Variants in MTMR9 observed in about 807,000 individuals in gnomAD.
MTMR9 encodes the protein myotubularin-related protein 9.
MTMR9 carries 39 observed loss-of-function variants against 69.5 expected under a neutral mutation model. The ratio of observed to expected loss-of-function variants is 0.56; its 90% CI spans 0.43 to 0.73. The LOEUF is 0.73. MTMR9 is among the 30% of genes least tolerant of loss of function. The pLI is 0.00. For missense variants in MTMR9, 900 were observed against 671.2 expected (o/e 1.34, Z -3.77); for synonymous variants, 354 against 240.8 (o/e 1.47, Z -4.35).
chr8:11,306,236 G>T lies in MTMR9; in HGVS notation c.638G>T (p.Arg213Met). 1 of 1,613,688 alleles carries T rather than the reference G, an allele frequency of 6.2e-7. No homozygotes were observed. Among genetic ancestry groups the T allele is most frequent in the Non-Finnish European group, 8.5e-7 (1 of 1,179,934 alleles). The stretch of plus-strand genomic sequence containing the variant: ...CCACTCACTGGTACAAACGGGAGGA[G>T]GTGCAAGGAGGACGAGAAGCTGATA... The part of the protein sequence containing the change: ...GQPLTGTNGR[R>M]CKEDEKLINA... The change falls in exon 5 of 10, where the codon AGG becomes ATG. Residue 213 changes from arginine (R) to methionine (M), a missense_variant. Coordinates refer to ENST00000221086, the MANE Select transcript of MTMR9 (RefSeq NM_015458.4).
At chr8:11,313,278 C>T (rs1800278351) in intron 6 of MTMR9, among the ~76,000 whole-genome samples, 1 of 152,216 alleles carries the variant, frequency 6.6e-6, no homozygotes, top group Non-Finnish European at 1.5e-5. Flanking sequence ...AGAGTAAAGG[C>T]CTTCCTCTGG....
chr8:11,335,665 C>G, the MTMR9 span, among the ~76,000 whole-genome samples: 6 of 152,184 alleles, frequency 3.9e-5, no homozygotes, highest in East Asian at 1.2e-3. Flanking sequence ...TATAAAGCCA[C>G]GTTAATCAAG....
downstream of MTMR9, among the ~76,000 whole-genome samples, chr8:11,329,439 G>C (rs1334836610): frequency 3.9e-5 from 6 of 152,194 alleles, no homozygotes; most frequent in South Asian, 2.1e-4. Flanking sequence ...TCAGCCTGCC[G>C]AGTGCCTGCC....
chr8:11,285,309 C>G, intron 1 of MTMR9: 2 of 424,536 alleles, frequency 4.7e-6, no homozygotes, highest in Admixed American at 8.8e-5. Flanking sequence ...TCCTGATGAT[C>G]ATTTCTGGTT....
downstream of MTMR9, among the ~76,000 whole-genome samples, chr8:11,328,849 T>A (rs1244121787): frequency 2.0e-5 from 3 of 152,246 alleles, no homozygotes; most frequent in African/African-American, 7.2e-5. Flanking sequence ...CCTTCTGATA[T>A]GATCCATCCA....
chr8:11,297,414 T>A (rs1056120875), intron 2 of MTMR9, among the ~76,000 whole-genome samples: 9 of 152,246 alleles, frequency 5.9e-5, no homozygotes, highest in Non-Finnish European at 1.5e-5. Context: ...TTAAATTGAA[T>A]GAGAATGCAT....
chr8:11,285,861 A>G (rs1327117813), intron 1 of MTMR9, among the ~76,000 whole-genome samples: 2 of 151,396 alleles, frequency 1.3e-5, no homozygotes, highest in Non-Finnish European at 2.9e-5. Flanking sequence ...TGACGACAAC[A>G]TTTTCTATTG....
At chr8:11,298,681 T>A in intron 2 of MTMR9, 1 of 827,156 alleles carries the variant, frequency 1.2e-6, no homozygotes, top group Non-Finnish European at 1.5e-6. Flanking sequence ...TCCTGCAGTT[T>A]GAATTATGCT....
chr8:11,285,825 C>T (rs1409167093), intron 1 of MTMR9, among the ~76,000 whole-genome samples: 1 of 152,114 alleles, frequency 6.6e-6, no homozygotes, highest in Non-Finnish European at 1.5e-5. Flanking sequence ...AACTGATTAT[C>T]CGTTTTACAC....
the MTMR9 span, among the ~76,000 whole-genome samples, chr8:11,339,067 G>A: frequency 3.9e-5 from 6 of 152,166 alleles, no homozygotes; most frequent in Non-Finnish European, 8.8e-5. Flanking sequence ...ATGTCACAGT[G>A]GCAGAGATTA....
intron 9 of MTMR9, chr8:11,320,182 C>A (rs1191706283): frequency 1.5e-5 from 3 of 202,668 alleles, no homozygotes; most frequent in Non-Finnish European, 3.0e-5. Context: ...GAGTTTCTGT[C>A]CCTTAATGAA....
chr8:11,288,938 C>G (rs193058346), intron 1 of MTMR9, among the ~76,000 whole-genome samples: 4 of 152,244 alleles, frequency 2.6e-5, no homozygotes, highest in Non-Finnish European at 5.9e-5. Context: ...TCTGGGAGGC[C>G]GAGGCGGGCA....
At chr8:11,330,543 C>A (rs1801172382), downstream of MTMR9, among the ~76,000 whole-genome samples, 1 of 152,204 alleles carries the variant, frequency 6.6e-6, no homozygotes, top group African/African-American at 2.4e-5. Context: ...AAGAAGTAGA[C>A]ATGGGAGACT....
chr8:11,304,787 T>C (rs1361109170), intron 3 of MTMR9, 54 bp from the exon 4 acceptor site: 15 of 1,562,744 alleles, frequency 9.6e-6, no homozygotes, highest in Admixed American at 1.8e-5. Context: ...TTTCTCAGAT[T>C]ATTTTGCGAC....
chr8:11,308,637 A>G (rs537671167), intron 5 of MTMR9, among the ~76,000 whole-genome samples: 2 of 152,322 alleles, frequency 1.3e-5, no homozygotes, highest in Non-Finnish European at 2.9e-5. Context: ...GTTAATGTGT[A>G]ATTGTTCACA....
At position 11,284,934 on chromosome 8, in the gene MTMR9, G is replaced by T. The variant is rs778084688; in HGVS notation, c.46G>T (p.Val16Leu). Residue 16 changes from valine (V) to leucine (L), a missense_variant, in exon 1 of 10, where the codon GTG becomes TTG. Physicochemically the swap from Val to Leu is conservative, Grantham distance 32 (BLOSUM62 1). Transcript: ENST00000221086. ...TAAGACCCCGCGGGTGGACAATGTG[G>T]TGCTGCACCGGCCTTTCTACCCGGC... ...LIKTPRVDNV[V>L]LHRPFYPAVE... 5.6e-6 allele frequency: 9 copies of T among 1,613,924 alleles called. No individual in the cohort carries two copies. The highest frequency in any genetic ancestry group is 7.6e-6 in the Non-Finnish European group (9 of 1,179,926).
chr8:11,293,973 G>A (rs1026429823), intron 1 of MTMR9, among the ~76,000 whole-genome samples: 6 of 152,094 alleles, frequency 3.9e-5, no homozygotes, highest in African/African-American at 7.2e-5. Flanking sequence ...ATTGTGTAGT[G>A]TTAGCCATAC....
chr8:11,285,994 C>G (rs1304549331), intron 1 of MTMR9, among the ~76,000 whole-genome samples: 2 of 130,406 alleles, frequency 1.5e-5, no homozygotes, highest in African/African-American at 6.1e-5. Context: ...CACTGTATTG[C>G]CCAGGCTGGA....
intron 9 of MTMR9, chr8:11,320,104 A>T (rs752433559): frequency 3.1e-5 from 11 of 354,574 alleles, no homozygotes; most frequent in Non-Finnish European, 5.6e-5. Context: ...ATAAGAAAGT[A>T]CCTTACTCTT....
Sources: allele counts gnomAD v4.1 joint callset (sites outside exome capture counted in the v4.1 genomes callset), GRCh38; gene constraint gnomAD v4.1.1; transcripts MANE v1.5; gene names NCBI Gene and HGNC (gene_info 2026-07-23, HGNC 2026-07-21).